The following RALYL variants were observed in gnomAD, a reference collection of about 807,000 sequenced individuals.
RALYL encodes RNA-binding Raly-like protein.
Under a neutral mutation model 35.1 loss-of-function variants are expected in RALYL, and 29 were observed. That is an observed-to-expected ratio of 0.83 (90% CI 0.61 to 1.13). The LOEUF (loss-of-function observed/expected upper bound fraction) is 1.13, where lower values mean the gene tolerates loss of function less well. Ranked by LOEUF, RALYL falls within the 50% of genes most tolerant of loss-of-function variation. The pLI is 0.00. For synonymous variants in RALYL, 120 were observed against 127.6 expected (o/e 0.94, Z 0.40); for missense variants, 359 against 360.4 (o/e 1.00, Z 0.03).
chr8:84,546,883 A>C (rs900313895), intron 2 of RALYL, among the ~76,000 whole-genome samples: 13 of 152,098 alleles, frequency 8.5e-5, no homozygotes, highest in Non-Finnish European at 1.6e-4. Flanking sequence ...TTTGGTTAGG[A>C]TAGATAGTGC....
chr8:84,341,432 A>G (rs1848765339), intron 1 of RALYL, among the ~76,000 whole-genome samples: 1 of 151,944 alleles, frequency 6.6e-6, no homozygotes, highest in Non-Finnish European at 1.5e-5. Flanking sequence ...CCTGAGACAT[A>G]AACAAGATTA....
chr8:84,250,893 G>A (rs1830062273), intron 1 of RALYL, among the ~76,000 whole-genome samples: 1 of 152,038 alleles, frequency 6.6e-6, no homozygotes, highest in African/African-American at 2.4e-5. Flanking sequence ...TATTCTAAAA[G>A]TTATACTTTG....
chr8:84,504,217 G>C (rs186443736), intron 1 of RALYL, among the ~76,000 whole-genome samples: 1 of 152,082 alleles, frequency 6.6e-6, no homozygotes, highest in African/African-American at 2.4e-5. Context: ...GGATACTAAA[G>C]AGATGAGGTT....
chr8:84,242,808 A>G (rs1828252679), intron 1 of RALYL, among the ~76,000 whole-genome samples: 1 of 152,036 alleles, frequency 6.6e-6, no homozygotes, highest in South Asian at 2.1e-4. Flanking sequence ...CACTCTTAAG[A>G]TCATTTCTTT....
chr8:84,817,276 T>C (rs1313534911), intron 4 of RALYL, among the ~76,000 whole-genome samples: 1 of 152,170 alleles, frequency 6.6e-6, no homozygotes, highest in Non-Finnish European at 1.5e-5. Flanking sequence ...ATGAAAACTT[T>C]ATTAAACCTT....
At chr8:84,215,096 G>A (rs892199911) in intron 1 of RALYL, among the ~76,000 whole-genome samples, 11 of 151,864 alleles carry the variant, frequency 7.2e-5, no homozygotes, top group African/African-American at 2.4e-4. Flanking sequence ...TAGTAGAGAT[G>A]GGGTTTTGAG....
intron 2 of RALYL, among the ~76,000 whole-genome samples, chr8:84,643,912 CTGGCA>C (rs1826928305): frequency 6.6e-6 from 1 of 151,980 alleles, no homozygotes; most frequent in Admixed American, 6.6e-5. Flanking sequence ...GAAATGCAGG[CTGGCA>C]TCATCTCAGC....
intron 1 of RALYL, among the ~76,000 whole-genome samples, chr8:84,188,345 A>G (rs1335507592): frequency 5.3e-5 from 8 of 152,070 alleles, no homozygotes; most frequent in Admixed American, 4.6e-4. Context: ...TTTATTCTTC[A>G]AATTTTTATG....
chr8:84,188,359 T>C (rs2130833627), intron 1 of RALYL, among the ~76,000 whole-genome samples: 1 of 152,224 alleles, frequency 6.6e-6, no homozygotes, highest in South Asian at 2.1e-4. Context: ...TTTTATGGAC[T>C]TCCAGAAAGT....
chr8:84,329,035 C>G (rs376517756), intron 1 of RALYL, among the ~76,000 whole-genome samples: 1 of 152,076 alleles, frequency 6.6e-6, no homozygotes, highest in South Asian at 2.1e-4. Flanking sequence ...GATTCCATGC[C>G]TTTGTTACTG....
At chr8:84,271,707 A>ATTTCGC (rs1182493523) in intron 1 of RALYL, among the ~76,000 whole-genome samples, 5 of 152,044 alleles carry the variant, frequency 3.3e-5, no homozygotes, top group African/African-American at 1.2e-4. Flanking sequence ...TGATCTCAAA[A>ATTTCGC]GTATTATGCC....
intron 1 of RALYL, among the ~76,000 whole-genome samples, chr8:84,528,389 G>T (rs916563197): frequency 6.6e-6 from 1 of 151,952 alleles, no homozygotes; most frequent in Non-Finnish European, 1.5e-5. Flanking sequence ...GAATTTTCAA[G>T]GCCTTAAGAA....
At chr8:84,672,268 A>G (rs1833414066) in intron 2 of RALYL, among the ~76,000 whole-genome samples, 1 of 152,156 alleles carries the variant, frequency 6.6e-6, no homozygotes, top group Non-Finnish European at 1.5e-5. Flanking sequence ...CTCAGCCTGG[A>G]CTTTATTGTC....
At chr8:84,515,206 CAT>C in intron 1 of RALYL, among the ~76,000 whole-genome samples, 1 of 152,152 alleles carries the variant, frequency 6.6e-6, no homozygotes, top group Admixed American at 6.5e-5. Context: ...AAAATAGCTA[CAT>C]AGTGACAGTG....
chr8:84,433,702 C>T (rs2047384878), intron 1 of RALYL, among the ~76,000 whole-genome samples: 1 of 151,922 alleles, frequency 6.6e-6, no homozygotes, highest in South Asian at 2.1e-4. Context: ...TCTGAGGCCT[C>T]CCCAGCCATG....
chr8:84,682,219 A>C (rs1355459074), intron 2 of RALYL, among the ~76,000 whole-genome samples: 3 of 152,042 alleles, frequency 2.0e-5, no homozygotes, highest in African/African-American at 7.2e-5. Context: ...AAGCTTTTTG[A>C]TGTGCTGCTG....
chr8:84,686,785 A>G (rs1234904967), intron 2 of RALYL, among the ~76,000 whole-genome samples: 1 of 152,154 alleles, frequency 6.6e-6, no homozygotes, highest in Non-Finnish European at 1.5e-5. Context: ...CTTTTCCAAC[A>G]TTTGATTATT....
chr8:84,374,498 A>G (rs1856537005), intron 1 of RALYL, among the ~76,000 whole-genome samples: 1 of 152,000 alleles, frequency 6.6e-6, no homozygotes, highest in African/African-American at 2.4e-5. Context: ...CAGATTGGAT[A>G]AAGAATATGT....
At chr8:84,629,559 G>A (rs1399959360) in intron 2 of RALYL, among the ~76,000 whole-genome samples, 1 of 151,896 alleles carries the variant, frequency 6.6e-6, no homozygotes, top group African/African-American at 2.4e-5. Context: ...GCAAACCTAA[G>A]CAAACAATGA....
Sources: allele counts gnomAD v4.1 joint callset (sites outside exome capture counted in the v4.1 genomes callset), GRCh38; gene constraint gnomAD v4.1.1; transcripts MANE v1.5; gene names NCBI Gene and HGNC (gene_info 2026-07-23, HGNC 2026-07-21).